Variants in MARK3 observed in about 807,000 individuals in gnomAD.
MARK3 encodes MAP/microtubule affinity-regulating kinase 3.
MARK3 carries 46 observed loss-of-function variants against 90.1 expected under a neutral mutation model. The observed-to-expected ratio is 0.51, with a 90% CI of 0.40 to 0.65. The LOEUF (loss-of-function observed/expected upper bound fraction) is 0.65, where lower values mean the gene tolerates loss of function less well. Among genes scored for constraint, MARK3 ranks in the 30% least tolerant of loss-of-function variants. The pLI, the probability that MARK3 is intolerant of heterozygous loss-of-function variation, is 0.00. For synonymous variants in MARK3, 321 were observed against 332.6 expected, an observed-to-expected ratio of 0.97 and a Z score of 0.38; for missense variants, 818 against 947.2, an observed-to-expected ratio of 0.86 and a Z score of 1.79.
intron 13 of MARK3, among the ~76,000 whole-genome samples, chr14:103,479,231 G>A (rs1185648809): frequency 6.6e-6 from 1 of 151,946 alleles, no homozygotes; most frequent in Non-Finnish European, 1.5e-5. Context: ...GTCTCCCTAT[G>A]TAGCCCAGCC....
chr14:103,481,757 C>CTTTTTTTTT (rs71126030), intron 14 of MARK3, among the ~76,000 whole-genome samples: 3,217 of 49,800 alleles, frequency 0.065, 982 homozygotes, highest in Middle Eastern at 0.15. Context: ...ATAGGTATTT[C>CTTTTTTTTT]TTTTTTTTTT....
intron 9 of MARK3, 86 bp downstream of exon 9, chr14:103,466,177 G>T: frequency 6.7e-7 from 1 of 1,500,566 alleles, no homozygotes. Context: ...TGCCATACTG[G>T]ATATATCCTG....
At chr14:103,474,933 G>C (rs191346599) in intron 12 of MARK3, 60 bp from the exon 13 acceptor site, 1 of 1,365,994 alleles carries the variant, frequency 7.3e-7, no homozygotes, top group African/African-American at 1.5e-5. Context: ...TATGGTTACT[G>C]TCACAAAATA....
intron 3 of MARK3, among the ~76,000 whole-genome samples, chr14:103,443,910 T>C (rs2092925286): frequency 1.3e-5 from 2 of 152,228 alleles, no homozygotes; most frequent in Admixed American, 1.3e-4. Flanking sequence ...AGGGACAGTT[T>C]CTGTAGAGTG....
At chr14:103,415,678 A>G (rs1207487851) in intron 2 of MARK3, among the ~76,000 whole-genome samples, 1 of 152,094 alleles carries the variant, frequency 6.6e-6, no homozygotes, top group East Asian at 1.9e-4. Flanking sequence ...TTCCCCTCAC[A>G]CGAACTACAG....
intron 6 of MARK3, among the ~76,000 whole-genome samples, chr14:103,460,247 G>A (rs1347086900): frequency 1.3e-5 from 2 of 151,538 alleles, no homozygotes; most frequent in Non-Finnish European, 1.5e-5. Flanking sequence ...CACTACGCCC[G>A]GCTAATTTTT....
chr14:103,492,292 T>G (rs2094029960), intron 15 of MARK3, among the ~76,000 whole-genome samples: 1 of 152,196 alleles, frequency 6.6e-6, no homozygotes, highest in Admixed American at 6.5e-5. Context: ...TTGTTCCTTT[T>G]GCTCACGTAT....
At chr14:103,498,663 T>TAAATTA (rs2075481414) in intron 16 of MARK3, 135 bp downstream of exon 16, 1 of 839,364 alleles carries the variant, frequency 1.2e-6, no homozygotes, top group East Asian at 3.9e-5. Flanking sequence ...AATACTTAAT[T>TAAATTA]CCTTGAAAGG....
chr14:103,472,410 G>C lies in MARK3; in HGVS notation c.1265-2583G>C, dbSNP rs183643058. 2.0e-5 allele frequency among the ~76,000 whole-genome samples: 3 copies of C among 151,938 alleles called. No homozygotes were observed. In the South Asian group the frequency reaches 6.2e-4, roughly 32 times the overall value. On this transcript the variant is annotated intron_variant, in intron 12 of 17. Coordinates refer to ENST00000429436, the MANE Select transcript of MARK3 (RefSeq NM_001128918.3). ...CATAATCCCAGCACTTTGGGAGGCC[G>C]AGGTGGGCGGATCACGAGGTCAGGA...
chr14:103,473,408 C>T (rs749240280), intron 12 of MARK3, among the ~76,000 whole-genome samples: 3 of 152,172 alleles, frequency 2.0e-5, no homozygotes, highest in Admixed American at 6.5e-5. Flanking sequence ...TTCAGAATCT[C>T]AAATCTTAAA....
At chr14:103,448,641 A>T (rs753491052) in intron 3 of MARK3, among the ~76,000 whole-genome samples, 2 of 152,170 alleles carry the variant, frequency 1.3e-5, no homozygotes, top group Non-Finnish European at 2.9e-5. Flanking sequence ...TGTTTTCAAG[A>T]TAGCATTGTA....
chr14:103,387,478 G>GTTTA (rs1009718897), intron 1 of MARK3, among the ~76,000 whole-genome samples: 9 of 81,218 alleles, frequency 1.1e-4, no homozygotes, highest in Admixed American at 5.8e-4. Context: ...TTATTTATTT[G>GTTTA]TTTATTTATT....
In MARK3 at chr14:103,502,931, C is replaced by G. The variant is rs754936446; in HGVS notation, c.1966C>G (p.Arg656Gly). 1 of 1,614,114 alleles carries G rather than the reference C, an allele frequency of 6.2e-7. No individual in the cohort carries two copies. The highest frequency in any genetic ancestry group is 8.5e-7 in the Non-Finnish European group (1 of 1,179,944). ...AGATGAAAACAAAGAAGCAAAGCCT[C>G]GATCCCTACGCTTCACCTGGAGCAT... ...QKDENKEAKP[R>G]SLRFTWSMKT... Residue 656 changes from arginine to glycine, a missense_variant, in exon 18 of 18, where the codon CGA becomes GGA. Physicochemically the swap from Arg to Gly is moderately radical, Grantham distance 125. Coordinates refer to ENST00000429436, the MANE Select transcript of MARK3 (RefSeq NM_001128918.3).
chr14:103,445,504 G>A (rs1193836420), intron 3 of MARK3, among the ~76,000 whole-genome samples: 2 of 152,158 alleles, frequency 1.3e-5, no homozygotes, highest in East Asian at 3.9e-4. Context: ...CCTCTCTTGG[G>A]ATTCTTTGGC....
chr14:103,484,698 T>A (rs565297073), intron 14 of MARK3, among the ~76,000 whole-genome samples: 104 of 152,230 alleles, frequency 6.8e-4, no homozygotes, highest in African/African-American at 2.5e-3. Flanking sequence ...TTTAGGAGGC[T>A]GAGGCAGGTG....
chr14:103,407,431 T>C (rs887934991), intron 2 of MARK3, among the ~76,000 whole-genome samples: 4 of 152,120 alleles, frequency 2.6e-5, no homozygotes, highest in African/African-American at 9.7e-5. Context: ...CATACTTTCC[T>C]AACCTTTGTG....
rs60944379 is a variant in MARK3, at chr14:103,449,431, A to AG, written c.346+465dup. Among the ~76,000 whole-genome samples the AG allele has an allele frequency of 1.1e-3, 170 of 150,248 alleles. 1 individual carries two copies. The highest frequency in any genetic ancestry group is 3.7e-3 in the African/African-American group (153 of 41,166). ...TCTCTCCAAAAAAAAAAAAAAAAAAAGTAATAATAATAATAAACTTAAAAA... is the reference window on the plus strand; with the variant it reads ...TCTCTCCAAAAAAAAAAAAAAAAAAAGGTAATAATAATAATAAACTTAAAAA... On this transcript the variant is annotated intron_variant, in intron 4 of 17. Transcript: ENST00000429436.
At position 103,405,060 on chromosome 14, in the gene MARK3, G is replaced by T. The variant is rs1274350455; in HGVS notation, c.52-16G>T. 1.2e-6 allele frequency: 2 copies of T among 1,604,688 alleles called. No individual in the cohort carries two copies. The highest frequency in any genetic ancestry group is 1.7e-6 in the Non-Finnish European group (2 of 1,176,328). Reference sequence around the variant, plus strand: ...TGTTCTCTCATTTCCTTATCTTTGTGTATGCTGTATTGCAGCACACGTCAC... The same window carrying T: ...TGTTCTCTCATTTCCTTATCTTTGTTTATGCTGTATTGCAGCACACGTCAC... On this transcript the variant is annotated splice_polypyrimidine_tract_variant and intron_variant, in intron 1 of 17. Coordinates refer to ENST00000429436, the MANE Select transcript of MARK3 (RefSeq NM_001128918.3).
At chr14:103,483,717 A>G (rs908270482) in intron 14 of MARK3, among the ~76,000 whole-genome samples, 1 of 152,212 alleles carries the variant, frequency 6.6e-6, no homozygotes. Flanking sequence ...GCTGAAGGCC[A>G]GCCCACTTTC....
Sources: gnomAD v4.1 joint callset for allele counts (sites outside exome capture counted in the v4.1 genomes callset) on GRCh38, gnomAD v4.1.1 for gene constraint, MANE v1.5 for transcripts, NCBI Gene and HGNC (gene_info 2026-07-23, HGNC 2026-07-21) for gene names.